ANKRD44: variants seen among roughly 807,000 people sequenced by gnomAD.
ANKRD44 encodes the protein ankyrin repeat domain 44.
ANKRD44 carries 35 observed loss-of-function variants against 116.0 expected under a neutral mutation model. That is an observed-to-expected ratio of 0.30 (90% CI 0.23 to 0.40). The LOEUF (loss-of-function observed/expected upper bound fraction) is 0.40. Among genes scored for constraint, ANKRD44 ranks in the 10% least tolerant of loss-of-function variants. ANKRD44 has a pLI of 1.00. For synonymous variants in ANKRD44, 435 were observed against 461.8 expected (o/e 0.94, Z 0.74); for missense variants, 1,014 against 1,242.6 (o/e 0.82, Z 2.77).
chr2:197,101,024 A>G (rs2078280989), intron 9 of ANKRD44, among the ~76,000 whole-genome samples: 1 of 152,198 alleles, frequency 6.6e-6, no homozygotes, highest in Admixed American at 6.5e-5. Flanking sequence ...GCACATAACC[A>G]CAATTCCATC....
At chr2:197,207,785 G>A (rs2081240454) in intron 1 of ANKRD44, among the ~76,000 whole-genome samples, 1 of 152,094 alleles carries the variant, frequency 6.6e-6, no homozygotes, top group African/African-American at 2.4e-5. Context: ...GCCCCATATG[G>A]GTTGAATAAT....
intron 9 of ANKRD44, among the ~76,000 whole-genome samples, chr2:197,102,776 TACAA>T (rs2078324088): frequency 6.6e-6 from 1 of 152,268 alleles, no homozygotes; most frequent in Non-Finnish European, 1.5e-5. Flanking sequence ...TCCTCAAACA[TACAA>T]ACAAACTTAG....
intron 1 of ANKRD44, among the ~76,000 whole-genome samples, chr2:197,298,316 G>A (rs1389516312): frequency 6.6e-6 from 1 of 152,110 alleles, no homozygotes; most frequent in Admixed American, 6.5e-5. Context: ...CCAAATCCAG[G>A]TCTTCCTAAA....
intron 16 of ANKRD44, among the ~76,000 whole-genome samples, chr2:197,040,444 T>C (rs1431788659): frequency 7.2e-6 from 1 of 138,438 alleles, no homozygotes; most frequent in African/African-American, 2.7e-5. Flanking sequence ...TGGCGCCATC[T>C]CAGCTCACTG....
chr2:197,181,147 G>A (rs1224446991), intron 2 of ANKRD44, among the ~76,000 whole-genome samples: 1 of 152,178 alleles, frequency 6.6e-6, no homozygotes, highest in Non-Finnish European at 1.5e-5. Flanking sequence ...TGGAACTGGA[G>A]AGAGTAAGCA....
chr2:197,222,037 T>C (rs575637028), intron 1 of ANKRD44, among the ~76,000 whole-genome samples: 1 of 152,316 alleles, frequency 6.6e-6, no homozygotes, highest in African/African-American at 2.4e-5. Flanking sequence ...AATGCTTCAA[T>C]GACTCAAATA....
chr2:197,176,907 A>G (rs1236810459), intron 2 of ANKRD44, among the ~76,000 whole-genome samples: 1 of 146,268 alleles, frequency 6.8e-6, no homozygotes, highest in African/African-American at 2.6e-5. Flanking sequence ...TTTTAAAGTC[A>G]GTGTTTCAAG....
chr2:197,281,076 C>A (rs748732493), intron 1 of ANKRD44, among the ~76,000 whole-genome samples: 6 of 151,832 alleles, frequency 4.0e-5, no homozygotes, highest in Admixed American at 6.6e-5. Context: ...CCTGACTGAC[C>A]TTCATTTGTT....
chr2:197,309,288 T>C (rs1257067849), intron 1 of ANKRD44, among the ~76,000 whole-genome samples: 4 of 152,156 alleles, frequency 2.6e-5, no homozygotes, highest in African/African-American at 4.8e-5. Context: ...CTGGAACCAA[T>C]GAGAACAAAT....
chr2:197,305,992 TGAAAA>T (rs2084062282), intron 1 of ANKRD44, among the ~76,000 whole-genome samples: 1 of 145,230 alleles, frequency 6.9e-6, no homozygotes, highest in Non-Finnish European at 1.5e-5. Context: ...TATATATATA[TGAAAA>T]AAATCACTGA....
At chr2:197,293,236 C>T (rs2083620951) in intron 1 of ANKRD44, among the ~76,000 whole-genome samples, 1 of 152,130 alleles carries the variant, frequency 6.6e-6, no homozygotes. Flanking sequence ...CAGAGACTGG[C>T]ACTACATCAT....
chr2:197,184,981 G>C (rs2080617916), intron 2 of ANKRD44, among the ~76,000 whole-genome samples: 1 of 152,220 alleles, frequency 6.6e-6, no homozygotes, highest in Non-Finnish European at 1.5e-5. Context: ...TCAGGGGCCA[G>C]TACAAACTTT....
chr2:197,157,675 C>CA (rs35588359), intron 2 of ANKRD44, among the ~76,000 whole-genome samples: 59,343 of 83,000 alleles, frequency 0.71, 21,199 homozygotes, highest in East Asian at 0.9. Flanking sequence ...GAGACTCTGT[C>CA]AAAAAAAAAA....
At chr2:197,111,914 T>G (rs947224804) in intron 8 of ANKRD44, among the ~76,000 whole-genome samples, 20 of 152,188 alleles carry the variant, frequency 1.3e-4, no homozygotes, top group Non-Finnish European at 2.4e-4. Context: ...CAGCTGGGAA[T>G]GTGTGCTGAA....
At chr2:197,037,522 T>G (rs62279177) in intron 16 of ANKRD44, among the ~76,000 whole-genome samples, 3 of 152,186 alleles carry the variant, frequency 2.0e-5, no homozygotes, top group African/African-American at 7.2e-5. Context: ...GGTAAGTGAA[T>G]GAGACAGCAT....
chr2:197,169,109 C>A (rs868599599), intron 2 of ANKRD44, among the ~76,000 whole-genome samples: 1 of 152,254 alleles, frequency 6.6e-6, no homozygotes, highest in South Asian at 2.1e-4. Flanking sequence ...CTCCTTCACT[C>A]TCCTTCAGCC....
chr2:197,003,162 A>G (rs2076143782), intron 21 of ANKRD44, among the ~76,000 whole-genome samples: 1 of 151,854 alleles, frequency 6.6e-6, no homozygotes. Flanking sequence ...CCAAAAAAAA[A>G]AAAAGATGTG....
At chr2:197,108,079 T>C (rs1474215277) in intron 9 of ANKRD44, among the ~76,000 whole-genome samples, 3 of 152,208 alleles carry the variant, frequency 2.0e-5, no homozygotes, top group Non-Finnish European at 4.4e-5. Flanking sequence ...AAAGGAATTT[T>C]TTTAAAACAC....
rs891460322 is a variant in ANKRD44 at position 197,008,884 on chromosome 2, C to T, written c.2012+60G>A. 2.7e-6 allele frequency: 4 copies of T among 1,489,832 alleles called. No homozygotes were observed. The African/African-American group carries it at 5.5e-5, about 21-fold the overall frequency. The allele number at this position is 1,489,832 out of a possible 1,614,324, so 92.3% of individuals were successfully genotyped here. On this transcript the variant is annotated intron_variant, in intron 19 of 27. Transcript: ENST00000282272. ...GTCAGCCTTGTAATGATTTAAGAAACCAACCAGGTAGCTGCTGTGATTGAA... is the reference window on the plus strand; with the variant it reads ...GTCAGCCTTGTAATGATTTAAGAAATCAACCAGGTAGCTGCTGTGATTGAA...
Sources: allele counts gnomAD v4.1 joint callset (sites outside exome capture counted in the v4.1 genomes callset), GRCh38; gene constraint gnomAD v4.1.1; transcripts MANE v1.5; gene names NCBI Gene and HGNC (gene_info 2026-07-23, HGNC 2026-07-21).